The following BMP7 variants were observed in gnomAD, a reference collection of about 807,000 sequenced individuals.
BMP7 encodes osteogenic protein 1.
A neutral mutation model predicts 41.2 loss-of-function variants in BMP7; 12 were observed. The observed-to-expected ratio is 0.29, with a 90% CI of 0.19 to 0.47. The LOEUF is 0.47. Ranked by LOEUF, BMP7 falls within the 20% of genes least tolerant of loss-of-function variation. The pLI, the probability that BMP7 is intolerant of heterozygous loss-of-function variation, is 0.99. For synonymous variants in BMP7, 248 were observed against 250.0 expected, an observed-to-expected ratio of 0.99 and a Z score of 0.07; for missense variants, 467 against 606.0, an observed-to-expected ratio of 0.77 and a Z score of 2.41.
rs568968511 is a variant in BMP7, at chr20:57,240,690, A to G, written c.419-12269T>C. ...CTGGAGAGGCCTCAGAATCATGGCA[A>G]GAGGTGAAAGGCACTTCTTACATGA... On this transcript the variant is annotated intron_variant, in intron 1 of 6. Coordinates refer to ENST00000395863, the MANE Select transcript of BMP7 (RefSeq NM_001719.3). 1.3e-3 allele frequency among the ~76,000 whole-genome samples: 205 copies of G among 152,348 alleles called. 1 individual carries two copies. The highest frequency in any genetic ancestry group is 4.7e-3 in the African/African-American group (196 of 41,574).
intron 3 of BMP7, among the ~76,000 whole-genome samples, chr20:57,193,452 C>T (rs1477878673): frequency 4.6e-5 from 7 of 152,310 alleles, no homozygotes; most frequent in East Asian, 1.9e-4. Flanking sequence ...TGGGAAACTC[C>T]GCTTTGTAGT....
intron 2 of BMP7, among the ~76,000 whole-genome samples, chr20:57,209,802 C>G (rs1367801259): frequency 1.2e-4 from 19 of 152,180 alleles, no homozygotes; most frequent in Non-Finnish European, 1.5e-5. Flanking sequence ...TATTTTGCTT[C>G]CCTTTACAAG....
rs1292565744 is a variant in BMP7, at chr20:57,169,481, G to C, written c.*1478C>G. The C allele has an allele frequency of 1.3e-5, 2 of 152,246 alleles. No homozygotes were observed. The highest frequency in any genetic ancestry group is 2.9e-5 in the Non-Finnish European group (2 of 68,066). 9.4% of individuals were successfully genotyped at this position (152,246 alleles called of 1,614,324 possible). A position where few individuals can be genotyped will look rare whatever the true frequency, so the allele number is the denominator to read the frequency against. The stretch of plus-strand genomic sequence containing the variant: ...ACCTCCAAATCGGGACACTTGGTTA[G>C]GATGTCACCCTCAACAAGGCTTCTA... On this transcript the variant is annotated 3_prime_UTR_variant, in exon 7 of 7. Transcript: ENST00000395863.
At chr20:57,222,598 G>C (rs1172801619) in intron 2 of BMP7, among the ~76,000 whole-genome samples, 2 of 152,048 alleles carry the variant, frequency 1.3e-5, no homozygotes, top group Non-Finnish European at 2.9e-5. Flanking sequence ...AAATGCCAAG[G>C]CTCCTTGATG....
chr20:57,208,095 C>T (rs1984785393), intron 2 of BMP7, among the ~76,000 whole-genome samples: 1 of 152,062 alleles, frequency 6.6e-6, no homozygotes, highest in South Asian at 2.1e-4. Flanking sequence ...TCCCAAAGTG[C>T]TGGGATTACA....
At chr20:57,187,383 C>T (rs1311268883) in intron 3 of BMP7, among the ~76,000 whole-genome samples, 1 of 152,216 alleles carries the variant, frequency 6.6e-6, no homozygotes, top group Non-Finnish European at 1.5e-5. Flanking sequence ...AGCCTCCACC[C>T]TGGCCTTAGA....
intron 3 of BMP7, among the ~76,000 whole-genome samples, chr20:57,194,386 C>T (rs1984444751): frequency 6.6e-6 from 1 of 152,168 alleles, no homozygotes; most frequent in Non-Finnish European, 1.5e-5. Flanking sequence ...GATGCACAGT[C>T]AGGAACGCAT....
At chr20:57,232,476 A>C (rs2066032998) in intron 1 of BMP7, among the ~76,000 whole-genome samples, 1 of 152,272 alleles carries the variant, frequency 6.6e-6, no homozygotes, top group African/African-American at 2.4e-5. Flanking sequence ...TGACATAAAC[A>C]CAGGTACAAT....
intron 3 of BMP7, among the ~76,000 whole-genome samples, chr20:57,192,162 A>G (rs1211714618): frequency 7.9e-6 from 1 of 126,364 alleles, no homozygotes; most frequent in Non-Finnish European, 1.6e-5. Context: ...AGTTATACAT[A>G]GATATATAAT....
chr20:57,256,915 T>C (rs1405882479), intron 1 of BMP7, among the ~76,000 whole-genome samples: 1 of 151,614 alleles, frequency 6.6e-6, no homozygotes, highest in Admixed American at 6.6e-5. Context: ...AAGAAATAAG[T>C]TGTATAACTA....
At chr20:57,176,797 A>T (rs966297063) in intron 4 of BMP7, among the ~76,000 whole-genome samples, 4 of 79,910 alleles carry the variant, frequency 5.0e-5, no homozygotes, top group African/African-American at 1.6e-4. Context: ...CACACCTGTT[A>T]ACTGTTTGAA....
rs1408115946 is a variant in BMP7 at position 57,261,021 on chromosome 20, C to A, written c.418+4684G>T. ...TTGCAATGGGCCAAATATGACCTTA[C>A]CAAATGAGGGAGAGATATTAAAGTG... On this transcript the variant is annotated intron_variant, in intron 1 of 6. Coordinates refer to ENST00000395863, the MANE Select transcript of BMP7 (RefSeq NM_001719.3). This position sits in a 1 kb window ranked among gnomAD's most constrained non-coding sequence, Gnocchi z 4.1. Among the ~76,000 whole-genome samples the A allele has an allele frequency of 2.0e-5, 3 of 152,152 alleles. No homozygotes were observed. Among genetic ancestry groups the A allele is most frequent in the African/African-American group, 7.2e-5 (3 of 41,428 alleles).
chr20:57,238,324 G>A (rs965716379), intron 1 of BMP7, among the ~76,000 whole-genome samples: 3 of 152,232 alleles, frequency 2.0e-5, no homozygotes, highest in African/African-American at 7.2e-5. Flanking sequence ...ATATTCCACT[G>A]TATGGATGGG....
intron 1 of BMP7, among the ~76,000 whole-genome samples, chr20:57,253,529 T>C (rs977135999): frequency 2.6e-5 from 4 of 152,204 alleles, no homozygotes; most frequent in Admixed American, 6.5e-5. Flanking sequence ...TTCTTTTACT[T>C]GCTGAGTCCC....
intron 2 of BMP7, among the ~76,000 whole-genome samples, chr20:57,204,920 T>C (rs1984697496): frequency 6.6e-6 from 1 of 152,192 alleles, no homozygotes; most frequent in African/African-American, 2.4e-5. Flanking sequence ...GTGGGCCCTT[T>C]AGGAGGTGAT....
intron 1 of BMP7, among the ~76,000 whole-genome samples, chr20:57,236,219 G>C (rs2066047045): frequency 6.6e-6 from 1 of 152,216 alleles, no homozygotes. Context: ...CAAGACAATT[G>C]ATTAAAAGCA....
chr20:57,215,270 T>C lies in BMP7; in HGVS notation c.612-12647A>G, dbSNP rs958709774. On this transcript the variant is annotated intron_variant, in intron 2 of 6. Coordinates refer to ENST00000395863, the MANE Select transcript of BMP7 (RefSeq NM_001719.3). The surrounding 1 kb of genome is among the most constrained non-coding windows in gnomAD (Gnocchi z 4.2). Reference sequence around the variant, plus strand: ...CCTCACTGGAAACTGCCAGGCTGCATGGGCTTCCGGTTGAGTGCCCCCATT... The same window carrying C: ...CCTCACTGGAAACTGCCAGGCTGCACGGGCTTCCGGTTGAGTGCCCCCATT... Among the ~76,000 whole-genome samples, 6 of 152,346 alleles carry C rather than the reference T, an allele frequency of 3.9e-5. No homozygotes were observed. The highest frequency in any genetic ancestry group is 7.3e-5 in the Non-Finnish European group (5 of 68,030).
chr20:57,194,746 C>A (rs1217404444), intron 3 of BMP7, among the ~76,000 whole-genome samples: 1 of 152,148 alleles, frequency 6.6e-6, no homozygotes, highest in African/African-American at 2.4e-5. Flanking sequence ...GAACTGTGAC[C>A]CCACATTTAC....
chr20:57,202,678 T>C lies in BMP7; in HGVS notation c.612-55A>G, dbSNP rs1984651101. 3.4e-6 allele frequency: 4 copies of C among 1,170,064 alleles called. No individual in the cohort carries two copies. In the South Asian group the frequency reaches 3.6e-5, roughly 11 times the overall value. The allele number at this position is 1,170,064 out of a possible 1,614,324, so 72.5% of individuals were successfully genotyped here. A position where few individuals can be genotyped will look rare whatever the true frequency, so the allele number is the denominator to read the frequency against. ...CGCGTTAGCCAGGTCACAGCTCCAC[T>C]ACCCCAACAGATGGGAAGCAGAGCC... On this transcript the variant is annotated intron_variant, in intron 2 of 6. Transcript: ENST00000395863.
Sources: gnomAD v4.1 joint callset for allele counts (sites outside exome capture counted in the v4.1 genomes callset) on GRCh38, gnomAD v4.1.1 for gene constraint, Gnocchi (gnomAD v3.1) non-coding constraint, MANE v1.5 for transcripts, NCBI Gene and HGNC (gene_info 2026-07-23, HGNC 2026-07-21) for gene names.